Variants in TTLL4 observed in about 807,000 individuals in gnomAD.
The protein encoded by TTLL4 is tubulin tyrosine ligase like 4.
A neutral mutation model predicts 122.7 loss-of-function variants in TTLL4; 85 were observed. The observed-to-expected ratio is 0.69, with a 90% CI of 0.58 to 0.83. The LOEUF (loss-of-function observed/expected upper bound fraction) is 0.83. Ranked by LOEUF, TTLL4 falls within the 40% of genes least tolerant of loss-of-function variation. The pLI is 0.00. For missense variants in TTLL4, 1,363 were observed against 1,488.6 expected, an observed-to-expected ratio of 0.92 and a Z score of 1.39; for synonymous variants, 553 against 563.0, an observed-to-expected ratio of 0.98 and a Z score of 0.25.
chr2:218,752,027 C>T (rs556853400), intron 16 of TTLL4, among the ~76,000 whole-genome samples: 3 of 151,830 alleles, frequency 2.0e-5, no homozygotes, highest in African/African-American at 7.2e-5. Flanking sequence ...CCTGCCTCAG[C>T]CTCCCGAGTA....
At chr2:218,729,767 A>AAC (rs1559361948) in intron 2 of TTLL4, among the ~76,000 whole-genome samples, 3 of 90,300 alleles carry the variant, frequency 3.3e-5, no homozygotes, top group African/African-American at 1.1e-4. Flanking sequence ...AAAAAACAAA[A>AAC]AAAAAAAAAA....
rs1942867858 is a variant in TTLL4 at position 218,747,187 on chromosome 2, T to C, written c.2159T>C (p.Val720Ala). Residue 720 changes from valine (V) to alanine (A), a missense_variant, in exon 9 of 20, where the codon GTG (valine) becomes GCG (alanine). Around this residue, in one of 3 missense-constraint regions of TTLL4, gnomAD observed 596 missense variants for 655.8 expected, o/e 0.91. Coordinates refer to ENST00000392102, the MANE Select transcript of TTLL4 (RefSeq NM_014640.5). The surrounding 1 kb of genome is among the most constrained non-coding windows in gnomAD (Gnocchi z 4.7). ...WESSSRQKWI[V>A]KPPASARGIG... ...AGCAGCAGCCGCCAAAAGTGGATTG[T>C]GAAGCCAGTGAGTGAATCACAGTGG... is the stretch of plus-strand genomic sequence containing the variant. 1 of 1,614,082 alleles carries C rather than the reference T, an allele frequency of 6.2e-7. No individual in the cohort carries two copies. Among genetic ancestry groups the C allele is most frequent in the Non-Finnish European group, 8.5e-7 (1 of 1,180,040 alleles).
At chr2:218,717,762 C>CTTTGGT (rs1191101244) in intron 1 of TTLL4, among the ~76,000 whole-genome samples, 4 of 151,794 alleles carry the variant, frequency 2.6e-5, no homozygotes, top group Admixed American at 1.3e-4. Context: ...TCCTACACTC[C>CTTTGGT]TCTCTATTTG....
chr2:218,758,001 C>A (rs1341746562), downstream of TTLL4, among the ~76,000 whole-genome samples: 1 of 152,140 alleles, frequency 6.6e-6, no homozygotes, highest in Non-Finnish European at 1.5e-5. Flanking sequence ...TCTGACCAAG[C>A]CTTTCACAAC....
Position 218,727,310 on chromosome 2 carries a change from T to A in TTLL4, c.-136T>A, listed in dbSNP as rs1202112928. On this transcript the variant is annotated 5_prime_UTR_variant, in exon 2 of 20. Transcript: ENST00000392102. ...CTCACTGATATTTTCCTCTGCTTGA[T>A]CCATTGTGCTGTTGAGAGCCTCTAG... The A allele has an allele frequency of 6.6e-6, 1 of 152,204 alleles. No homozygotes were observed. The highest frequency in any genetic ancestry group is 1.9e-4 in the East Asian group (1 of 5,204). The allele number at this position is 152,204 out of a possible 1,614,324, so 9.4% of individuals were successfully genotyped here. A position where few individuals can be genotyped will look rare whatever the true frequency, so the allele number is the denominator to read the frequency against.
Position 218,745,819 on chromosome 2 carries a change from C to T in TTLL4, c.1897+18C>T. 1 of 1,600,134 alleles carries T rather than the reference C, an allele frequency of 6.2e-7. No homozygotes were observed. Among genetic ancestry groups the T allele is most frequent in the South Asian group, 1.1e-5 (1 of 89,950 alleles). ...CAGCAAAAGTGAGTTGCTTGCCTTACTGTGAGCCTGTCCTTTTGCCCCAAA... is the reference window on the plus strand; with the variant it reads ...CAGCAAAAGTGAGTTGCTTGCCTTATTGTGAGCCTGTCCTTTTGCCCCAAA... On this transcript the variant is annotated intron_variant, in intron 7 of 19. Coordinates refer to ENST00000392102, the MANE Select transcript of TTLL4 (RefSeq NM_014640.5).
rs756961296 is a variant in TTLL4 at position 218,738,825 on chromosome 2, G to T, written c.1149G>T (p.Ala383=). 5.0e-6 allele frequency: 8 copies of T among 1,614,058 alleles called. No individual in the cohort carries two copies. The highest frequency in any genetic ancestry group is 5.9e-6 in the Non-Finnish European group (7 of 1,180,044). ...GGAGCAGGCGGTGGAAACCTCCTGC[G>T]GTAAATCAGCAGTTTCCTCAGGAGG... ...LNRSRRWKPP[A]VNQQFPQEDA... Residue 383 remains alanine (A), a synonymous_variant, in exon 3 of 20, where the codon GCG becomes GCT. Transcript: ENST00000392102.
chr2:218,758,370 A>G (rs1357894135), downstream of TTLL4, among the ~76,000 whole-genome samples: 2 of 152,218 alleles, frequency 1.3e-5, no homozygotes, highest in Admixed American at 6.6e-5. Flanking sequence ...AATATGGAGG[A>G]AAAGCACCTA....
intron 1 of TTLL4, among the ~76,000 whole-genome samples, chr2:218,720,711 G>T (rs530074393): frequency 1.4e-4 from 21 of 152,086 alleles, no homozygotes; most frequent in Admixed American, 2.6e-4. Flanking sequence ...ACATAATTGG[G>T]GTGTGCCCCT....
chr2:218,750,129 C>T lies in TTLL4; in HGVS notation c.2856C>T (p.Cys952=), dbSNP rs1262707963. The part of the protein sequence containing the change: ...AEDIISSPSS[C]SSSTTSLPTS... ...ATATCATTTCCAGCCCCAGCAGCTG[C>T]AGCAGCTCCACCACCAGGTGAGGCC... is the stretch of plus-strand genomic sequence containing the variant. The change falls in exon 15 of 20, where the codon TGC becomes TGT. Residue 952 remains cysteine, a synonymous_variant. Transcript: ENST00000392102. 1.9e-6 allele frequency: 3 copies of T among 1,613,780 alleles called. No homozygotes were observed. The highest frequency in any genetic ancestry group is 4.5e-5 in the East Asian group (2 of 44,890).
At chr2:218,745,016 C>T in intron 5 of TTLL4, 93 bp from the exon 6 acceptor site, 2 of 1,509,988 alleles carry the variant, frequency 1.3e-6, no homozygotes, top group Admixed American at 2.1e-5. Context: ...AGTTAAAAGA[C>T]AGCACTTGGA....
At position 218,720,461 on chromosome 2, in the gene TTLL4, TATA is replaced by T. The variant is rs560172893; in HGVS notation, c.-177-6803_-177-6801del. 7.2e-5 allele frequency among the ~76,000 whole-genome samples: 11 copies of T among 152,088 alleles called. No individual in the cohort carries two copies. In the South Asian group the frequency reaches 1.5e-3, roughly 20 times the overall value. On this transcript the variant is annotated intron_variant, in intron 1 of 19. Transcript: ENST00000392102. ...TGGCTTTGCTGATGTGATATTGTGATATAATAAGAAATACTCCAGCCTGGTCAG... is the reference window on the plus strand; with the variant it reads ...TGGCTTTGCTGATGTGATATTGTGATATAAGAAATACTCCAGCCTGGTCAG...
In TTLL4 at chr2:218,754,484, C is replaced by T. The variant is rs1480272445; in HGVS notation, c.*95C>T. On this transcript the variant is annotated 3_prime_UTR_variant, in exon 20 of 20. Coordinates refer to ENST00000392102, the MANE Select transcript of TTLL4 (RefSeq NM_014640.5). ...TTCAGACCAGTCTGACCCCCTACCC[C>T]TTTCACCCTGTCCCTCCTCAGAGTA... 2 of 1,499,804 alleles carry T rather than the reference C, an allele frequency of 1.3e-6. No individual in the cohort carries two copies. Among genetic ancestry groups the T allele is most frequent in the Non-Finnish European group, 1.8e-6 (2 of 1,108,760 alleles). The allele number at this position is 1,499,804 out of a possible 1,614,324, so 92.9% of individuals were successfully genotyped here.
rs922144957 is a variant in TTLL4, at chr2:218,746,476, C to T, written c.1974+245C>T. On this transcript the variant is annotated intron_variant, in intron 8 of 19. Coordinates refer to ENST00000392102, the MANE Select transcript of TTLL4 (RefSeq NM_014640.5). The stretch of plus-strand genomic sequence containing the variant: ...ATGTAGGGGGCAGCTGAGTCCCTCT[C>T]CTGAACTCCAACCTCATAGGAGGGT... The T allele has an allele frequency of 5.6e-6, 3 of 539,766 alleles. No individual in the cohort carries two copies. In the Admixed American group the frequency reaches 9.2e-5, roughly 17 times the overall value. 33.4% of individuals were successfully genotyped at this position (539,766 alleles called of 1,614,324 possible). A position where few individuals can be genotyped will look rare whatever the true frequency, so the allele number is the denominator to read the frequency against.
At chr2:218,735,983 T>C (rs1942510255) in intron 2 of TTLL4, among the ~76,000 whole-genome samples, 1 of 145,130 alleles carries the variant, frequency 6.9e-6, no homozygotes, top group Admixed American at 6.8e-5. Flanking sequence ...TTTTTTTTTT[T>C]TTTTTTTGTG....
At position 218,747,104 on chromosome 2, in the gene TTLL4, C is replaced by T. The variant is rs1455137808; in HGVS notation, c.2076C>T (p.Phe692=). 6.2e-7 allele frequency: 1 copy of T among 1,614,234 alleles called. No homozygotes were observed. The highest frequency in any genetic ancestry group is 8.5e-7 in the Non-Finnish European group (1 of 1,180,042). Reference sequence around the variant, plus strand: ...GCTTTGGCAAGAAGGAGTTCAGTTTCTTCCCCCAGTCCTTTATCCTGCCCC... The same window carrying T: ...GCTTTGGCAAGAAGGAGTTCAGTTTTTTCCCCCAGTCCTTTATCCTGCCCC... The part of the protein sequence containing the change: ...QSRFGKKEFS[F]FPQSFILPQD... Residue 692 remains phenylalanine (F), a synonymous_variant, in exon 9 of 20, where the codon TTC becomes TTT. Transcript: ENST00000392102. This position sits in a 1 kb window ranked among gnomAD's most constrained non-coding sequence, Gnocchi z 4.7.
chr2:218,738,309 C>A lies in TTLL4; in HGVS notation c.633C>A (p.Ser211=), dbSNP rs746274720. 6.2e-7 allele frequency: 1 copy of A among 1,613,978 alleles called. No homozygotes were observed. Among genetic ancestry groups the A allele is most frequent in the Admixed American group, 1.7e-5 (1 of 60,014 alleles). Residue 211 remains serine, a synonymous_variant, in exon 3 of 20, where the codon TCC becomes TCA. Transcript: ENST00000392102. ...ISGKIPSPLS[S]SYKPMLNNNS... is the part of the protein sequence containing the mutation. ...GGAAGATCCCATCTCCACTCTCTTC[C>A]TCCTATAAGCCCATGCTGAATAATA... is the stretch of plus-strand genomic sequence containing the variant.
intron 4 of TTLL4, 66 bp from the exon 5 acceptor site, chr2:218,740,455 C>T: frequency 6.4e-7 from 1 of 1,553,300 alleles, no homozygotes; most frequent in Non-Finnish European, 8.9e-7. Flanking sequence ...GAAGAGTTGC[C>T]TAGGCTTGGT....
Position 218,754,282 on chromosome 2 carries a change from T to A in TTLL4, c.3493T>A (p.Ser1165Thr). 1 of 1,614,204 alleles carries A rather than the reference T, an allele frequency of 6.2e-7. No individual in the cohort carries two copies. Among genetic ancestry groups the A allele is most frequent in the Non-Finnish European group, 8.5e-7 (1 of 1,180,042 alleles). ...GGACACCAGCAAAGAGCCCAGCCTT[T>A]CTACCCAGACGTTACCTGTGATCAA... Reference protein sequence around the residue: ...SEDTSKEPSLSTQTLPVIKCS... With the variant: ...SEDTSKEPSLTTQTLPVIKCS... The change falls in exon 20 of 20, where the codon TCT becomes ACT. Residue 1165 changes from serine (S) to threonine (T), a missense_variant. Ser to Thr is a moderately conservative substitution (Grantham distance 58). Around this residue, in one of 3 missense-constraint regions of TTLL4, gnomAD observed 596 missense variants for 655.8 expected, o/e 0.91. Transcript: ENST00000392102.
Sources: gnomAD v4.1 joint callset for allele counts (sites outside exome capture counted in the v4.1 genomes callset) on GRCh38, gnomAD v4.1.1 for gene constraint, gnomAD v4.1.1 regional missense constraint, Gnocchi (gnomAD v3.1) non-coding constraint, MANE v1.5 for transcripts, NCBI Gene and HGNC (gene_info 2026-07-23, HGNC 2026-07-21) for gene names.